Variants in CLVS1 observed in about 807,000 individuals in gnomAD.
The protein encoded by CLVS1 is clavesin-1.
A neutral mutation model predicts 33.1 loss-of-function variants in CLVS1; 10 were observed. The observed-to-expected ratio is 0.30, with a 90% CI of 0.19 to 0.51. CLVS1 has a LOEUF of 0.51. Among genes scored for constraint, CLVS1 ranks in the 20% least tolerant of loss-of-function variants. The pLI is 0.97. For synonymous variants in CLVS1, 163 were observed against 166.1 expected, an observed-to-expected ratio of 0.98 and a Z score of 0.14; for missense variants, 343 against 433.4, an observed-to-expected ratio of 0.79 and a Z score of 1.85.
the CLVS1 span, among the ~76,000 whole-genome samples, chr8:60,976,552 A>G: frequency 6.6e-6 from 1 of 152,136 alleles, no homozygotes; most frequent in African/African-American, 2.4e-5. Flanking sequence ...AAAATTAAGC[A>G]CTACTGGGTA....
At chr8:61,116,137 AT>A (rs1381468027) in intron 1 of CLVS1, among the ~76,000 whole-genome samples, 1 of 151,820 alleles carries the variant, frequency 6.6e-6, no homozygotes, top group African/African-American at 2.4e-5. Context: ...GATGATGAGC[AT>A]TTTTTCATGT....
At chr8:61,067,731 C>A (rs1804708787) in intron 1 of CLVS1, among the ~76,000 whole-genome samples, 2 of 151,862 alleles carry the variant, frequency 1.3e-5, no homozygotes, top group African/African-American at 4.8e-5. Context: ...AACAGAAAAC[C>A]AAATACTACA....
chr8:61,434,264 G>C (rs1310216607), intron 3 of CLVS1, among the ~76,000 whole-genome samples: 1 of 152,180 alleles, frequency 6.6e-6, no homozygotes, highest in Non-Finnish European at 1.5e-5. Flanking sequence ...TTGAAATTCA[G>C]ACACAGAATT....
intron 2 of CLVS1, among the ~76,000 whole-genome samples, chr8:61,350,492 C>A (rs2129598920): frequency 6.6e-6 from 1 of 152,236 alleles, no homozygotes; most frequent in Non-Finnish European, 1.5e-5. Flanking sequence ...GGAACCATTT[C>A]AATAAACCAT....
intron 1 of CLVS1, among the ~76,000 whole-genome samples, chr8:61,102,563 C>A (rs77973662): frequency 0.054 from 8,204 of 152,258 alleles, 391 homozygotes; most frequent in African/African-American, 0.13. Context: ...TTGACTTCCT[C>A]ATTTTCAATC....
intron 2 of CLVS1, among the ~76,000 whole-genome samples, chr8:61,261,949 C>T (rs1458150329): frequency 6.7e-6 from 1 of 150,068 alleles, no homozygotes; most frequent in Admixed American, 6.7e-5. Flanking sequence ...CTTTCTTCTA[C>T]CATTTGGCAG....
chr8:61,274,817 C>G (rs759438369), intron 2 of CLVS1, among the ~76,000 whole-genome samples: 7 of 152,144 alleles, frequency 4.6e-5, no homozygotes, highest in Non-Finnish European at 5.9e-5. Context: ...CTTGTAGTTT[C>G]TTATGTCTTC....
chr8:61,050,040 G>A, the CLVS1 span, among the ~76,000 whole-genome samples: 1 of 152,226 alleles, frequency 6.6e-6, no homozygotes, highest in East Asian at 1.9e-4. Flanking sequence ...ACTGCTGAAT[G>A]CGCACTGGAC....
chr8:61,298,796 A>C (rs947908968), intron 1 of CLVS1, among the ~76,000 whole-genome samples: 16 of 152,150 alleles, frequency 1.1e-4, no homozygotes, highest in African/African-American at 3.9e-4. Flanking sequence ...TCTGTATACC[A>C]TTTTGGTGGA....
intron 2 of CLVS1, among the ~76,000 whole-genome samples, chr8:61,223,509 A>G (rs1323950036): frequency 1.3e-5 from 2 of 151,576 alleles, no homozygotes; most frequent in African/African-American, 4.8e-5. Flanking sequence ...ATTGGCCCTC[A>G]CTCTCTTCTG....
chr8:61,326,449 C>G (rs1369172125), intron 2 of CLVS1, among the ~76,000 whole-genome samples: 1 of 152,104 alleles, frequency 6.6e-6, no homozygotes, highest in African/African-American at 2.4e-5. Context: ...ATAGTGGCCA[C>G]AGAGTTCCAA....
chr8:61,252,938 T>A (rs1808984128), intron 2 of CLVS1, among the ~76,000 whole-genome samples: 1 of 152,220 alleles, frequency 6.6e-6, no homozygotes, highest in Non-Finnish European at 1.5e-5. Context: ...TTAATATTGT[T>A]GTGTGTGAAT....
chr8:61,197,385 A>G lies in CLVS1; in HGVS notation c.-152+65525A>G, dbSNP rs931347712. Among the ~76,000 whole-genome samples the G allele has an allele frequency of 3.9e-5, 6 of 152,184 alleles. No homozygotes were observed. In the South Asian group the frequency reaches 6.2e-4, roughly 16 times the overall value. On this transcript the variant is annotated intron_variant, in intron 2 of 2. Transcript: ENST00000522621. The stretch of plus-strand genomic sequence containing the variant: ...TCTTGGGTTTGTTTCTGGGTTCTCA[A>G]TTCTGTTCCATTGGTCTATGTGTCT...
intron 2 of CLVS1, among the ~76,000 whole-genome samples, chr8:61,276,219 T>A (rs1317917691): frequency 6.6e-6 from 1 of 152,228 alleles, no homozygotes; most frequent in Non-Finnish European, 1.5e-5. Context: ...CCTGTCATTC[T>A]TGGTCCAACC....
At chr8:61,288,969 C>A (rs1809879417) in intron 1 of CLVS1, among the ~76,000 whole-genome samples, 1 of 152,192 alleles carries the variant, frequency 6.6e-6, no homozygotes, top group Admixed American at 6.5e-5. Flanking sequence ...AGAAAGGGGG[C>A]TCTCATTCGA....
intron 2 of CLVS1, among the ~76,000 whole-genome samples, chr8:61,304,548 T>C (rs1810549951): frequency 6.6e-6 from 1 of 152,198 alleles, no homozygotes; most frequent in African/African-American, 2.4e-5. Context: ...CTCCCCAGCT[T>C]GGTATGTAAC....
At chr8:61,129,073 A>G (rs1294578056) in intron 1 of CLVS1, among the ~76,000 whole-genome samples, 96 of 152,218 alleles carry the variant, frequency 6.3e-4, no homozygotes, top group Non-Finnish European at 1.8e-4. Context: ...TTTCAGAAGC[A>G]CATCAGGTTT....
intron 1 of CLVS1, among the ~76,000 whole-genome samples, chr8:61,104,829 T>A (rs1805505381): frequency 6.6e-6 from 1 of 152,154 alleles, no homozygotes; most frequent in African/African-American, 2.4e-5. Context: ...TTTGTTTTAC[T>A]TTATTTTTTT....
At chr8:61,283,277 T>C (rs1809711945), upstream of CLVS1, among the ~76,000 whole-genome samples, 1 of 152,222 alleles carries the variant, frequency 6.6e-6, no homozygotes, top group Non-Finnish European at 1.5e-5. Flanking sequence ...TGAATTACTT[T>C]ACTCTTCCTT....
Sources: gnomAD v4.1 joint callset for allele counts (sites outside exome capture counted in the v4.1 genomes callset) on GRCh38, gnomAD v4.1.1 for gene constraint, MANE v1.5 for transcripts, NCBI Gene and HGNC (gene_info 2026-07-23, HGNC 2026-07-21) for gene names.